PMEPA1: variants seen among roughly 807,000 people sequenced by gnomAD.
The protein encoded by PMEPA1 is prostate transmembrane protein, androgen induced 1.
PMEPA1 carries 11 observed loss-of-function variants against 23.0 expected under a neutral mutation model. The observed-to-expected ratio is 0.48, with a 90% CI of 0.30 to 0.79. PMEPA1 has a LOEUF of 0.79. Among genes scored for constraint, PMEPA1 ranks in the 30% least tolerant of loss-of-function variants. The pLI, the probability that PMEPA1 is intolerant of heterozygous loss-of-function variation, is 0.06. For synonymous variants in PMEPA1, 204 were observed against 166.4 expected, an observed-to-expected ratio of 1.23 and a Z score of -1.74; for missense variants, 377 against 390.9, an observed-to-expected ratio of 0.96 and a Z score of 0.30.
intron 1 of PMEPA1, among the ~76,000 whole-genome samples, chr20:57,686,405 C>T (rs1440319060): frequency 6.6e-6 from 1 of 152,138 alleles, no homozygotes; most frequent in Non-Finnish European, 1.5e-5. Context: ...CTCTGTCTTT[C>T]CTTCCTGTCC....
At position 57,683,027 on chromosome 20, in the gene PMEPA1, C is replaced by A. The variant is rs962223537; in HGVS notation, c.110-23330G>T. Among the ~76,000 whole-genome samples, 3 of 152,178 alleles carry A rather than the reference C, an allele frequency of 2.0e-5. No homozygotes were observed. Among genetic ancestry groups the A allele is most frequent in the African/African-American group, 7.2e-5 (3 of 41,442 alleles). On this transcript the variant is annotated intron_variant, in intron 1 of 3. Coordinates refer to ENST00000341744, the MANE Select transcript of PMEPA1 (RefSeq NM_020182.5). The surrounding 1 kb of genome is among the most constrained non-coding windows in gnomAD (Gnocchi z 4.3). ...AGAGTCCAAGCCTCCCAGGTTTGAG[C>A]TCTAAAAGCCAGACCTTTTTCAATG...
chr20:57,688,540 G>C (rs1428708981), intron 1 of PMEPA1, among the ~76,000 whole-genome samples: 1 of 152,144 alleles, frequency 6.6e-6, no homozygotes. Context: ...CACAAAGAAC[G>C]GCAGGCAGCA....
Position 57,704,181 on chromosome 20 carries a change from C to G in PMEPA1, c.109+5293G>C, listed in dbSNP as rs990929720. Among the ~76,000 whole-genome samples the G allele has an allele frequency of 1.3e-5, 2 of 152,190 alleles. No individual in the cohort carries two copies. The highest frequency in any genetic ancestry group is 4.8e-5 in the African/African-American group (2 of 41,436). On this transcript the variant is annotated intron_variant, in intron 1 of 3. Coordinates refer to ENST00000341744, the MANE Select transcript of PMEPA1 (RefSeq NM_020182.5). The surrounding 1 kb of genome is among the most constrained non-coding windows in gnomAD (Gnocchi z 4.6). ...ATCTAACCATTCGGCTGCCCTGGAACGGAAAGATCTGGCCACTCAGGGCCC... is the reference window on the plus strand; with the variant it reads ...ATCTAACCATTCGGCTGCCCTGGAAGGGAAAGATCTGGCCACTCAGGGCCC...
chr20:57,684,613 A>G (rs570395245), intron 1 of PMEPA1, among the ~76,000 whole-genome samples: 1 of 152,322 alleles, frequency 6.6e-6, no homozygotes, highest in Admixed American at 6.5e-5. Context: ...CTCCACCCCC[A>G]TAGCTTGCCA....
intron 1 of PMEPA1, among the ~76,000 whole-genome samples, chr20:57,684,594 C>T (rs911384708): frequency 1.3e-5 from 2 of 152,076 alleles, no homozygotes; most frequent in Non-Finnish European, 2.9e-5. Context: ...TTGGGGGGCC[C>T]GGGAGACCCT....
chr20:57,652,254 G>A lies in PMEPA1; in HGVS notation c.663C>T (p.Ser221=), dbSNP rs752250122. 4.0e-5 allele frequency: 65 copies of A among 1,607,816 alleles called. 2 individuals are homozygous for A. In the Middle Eastern group the frequency reaches 1.2e-3, roughly 29 times the overall value. The part of the protein sequence containing the change: ...NSGISATCYG[S]GGRMEGPPPT... ...GCGGCGGCCCCTCCATGCGCCCGCC[G>A]CTGCCGTAGCACGTGGCGCTGATGC... The change falls in exon 4 of 4, where the codon AGC becomes AGT. Residue 221 remains serine, a synonymous_variant. Transcript: ENST00000341744. This position sits in a 1 kb window ranked among gnomAD's most constrained non-coding sequence, Gnocchi z 6.1.
chr20:57,677,609 G>C (rs1369200109), intron 1 of PMEPA1, among the ~76,000 whole-genome samples: 1 of 152,148 alleles, frequency 6.6e-6, no homozygotes, highest in Non-Finnish European at 1.5e-5. Context: ...GATGTGAATG[G>C]AAACTGAAGG....
chr20:57,708,817 A>G (rs2072122747), intron 1 of PMEPA1, among the ~76,000 whole-genome samples: 6 of 152,230 alleles, frequency 3.9e-5, no homozygotes, highest in African/African-American at 1.4e-4. Context: ...AAAGATGGAC[A>G]CGCTCAAGAA....
intron 1 of PMEPA1, among the ~76,000 whole-genome samples, chr20:57,662,050 C>T (rs969069829): frequency 3.3e-5 from 5 of 151,048 alleles, no homozygotes; most frequent in South Asian, 2.1e-4. Flanking sequence ...CAGCTGGGGC[C>T]GCATCTGCAC....
intron 2 of PMEPA1, 126 bp from the exon 3 acceptor site, chr20:57,653,212 C>G (rs1021261583): frequency 1.3e-6 from 1 of 781,562 alleles, no homozygotes; most frequent in Non-Finnish European, 2.2e-6. Context: ...CACCTCTCTG[C>G]ATCGGAACCA....
At chr20:57,701,412 C>A (rs1282548927) in intron 1 of PMEPA1, among the ~76,000 whole-genome samples, 1 of 152,184 alleles carries the variant, frequency 6.6e-6, no homozygotes, top group Non-Finnish European at 1.5e-5. Context: ...TGGGGGCCTG[C>A]AGCAAGCTCT....
chr20:57,666,500 T>A (rs1363778742), intron 1 of PMEPA1, among the ~76,000 whole-genome samples: 1 of 151,774 alleles, frequency 6.6e-6, no homozygotes, highest in South Asian at 2.1e-4. Flanking sequence ...CAGAAATGAG[T>A]TCCTCTGACC....
Position 57,704,322 on chromosome 20 carries a change from C to T in PMEPA1, c.109+5152G>A, listed in dbSNP as rs922497041. On this transcript the variant is annotated intron_variant, in intron 1 of 3. Transcript: ENST00000341744. The surrounding 1 kb of genome is among the most constrained non-coding windows in gnomAD (Gnocchi z 4.6). The stretch of plus-strand genomic sequence containing the variant: ...AGTTTGCTTCCCTGAACCATGCTCC[C>T]CCAGCCTCGGGGAGCCCCTGGCACA... 1.3e-5 allele frequency among the ~76,000 whole-genome samples: 2 copies of T among 152,142 alleles called. No homozygotes were observed. The highest frequency in any genetic ancestry group is 6.5e-5 in the Admixed American group (1 of 15,282).
chr20:57,654,741 G>A (rs1027440593), intron 2 of PMEPA1, among the ~76,000 whole-genome samples: 1 of 152,130 alleles, frequency 6.6e-6, no homozygotes, highest in Admixed American at 6.5e-5. Context: ...GGGCCTCCAT[G>A]TGCAGACAGT....
At chr20:57,680,106 C>T (rs918716483) in intron 1 of PMEPA1, among the ~76,000 whole-genome samples, 2 of 152,172 alleles carry the variant, frequency 1.3e-5, no homozygotes, top group Non-Finnish European at 2.9e-5. Flanking sequence ...AGGGAACCGT[C>T]GGGGGATGAG....
At chr20:57,685,071 C>T (rs1326933012) in intron 1 of PMEPA1, among the ~76,000 whole-genome samples, 1 of 151,704 alleles carries the variant, frequency 6.6e-6, no homozygotes, top group Non-Finnish European at 1.5e-5. Context: ...GAGGGGGTGC[C>T]GTCTGCAACC....
intron 1 of PMEPA1, among the ~76,000 whole-genome samples, chr20:57,685,523 C>T (rs891182864): frequency 2.6e-5 from 4 of 152,136 alleles, no homozygotes; most frequent in Admixed American, 6.5e-5. Flanking sequence ...GCTTTCTCGG[C>T]CTAAAACGAT....
intron 1 of PMEPA1, among the ~76,000 whole-genome samples, chr20:57,679,017 G>A: frequency 6.6e-6 from 1 of 152,222 alleles, no homozygotes. Flanking sequence ...GAACTGCAGG[G>A]ATCTCTGAAC....
Position 57,666,285 on chromosome 20 carries a change from T to C in PMEPA1, c.110-6588A>G, listed in dbSNP as rs560104009. On this transcript the variant is annotated intron_variant, in intron 1 of 3. Coordinates refer to ENST00000341744, the MANE Select transcript of PMEPA1 (RefSeq NM_020182.5). ...CGGGCACAGCTCTGCCCTGTCCTGT[T>C]TGTCCTACACTGGCAGGAGAGGAAC... Among the ~76,000 whole-genome samples, 84 of 152,150 alleles carry C rather than the reference T, an allele frequency of 5.5e-4. 1 individual carries two copies. The South Asian group carries it at 0.017, about 30-fold the overall frequency.
Sources: gnomAD v4.1 joint callset for allele counts (sites outside exome capture counted in the v4.1 genomes callset) on GRCh38, gnomAD v4.1.1 for gene constraint, Gnocchi (gnomAD v3.1) non-coding constraint, MANE v1.5 for transcripts, NCBI Gene and HGNC (gene_info 2026-07-23, HGNC 2026-07-21) for gene names.